The following SDK1 variants were observed in gnomAD, a reference collection of about 807,000 sequenced individuals.
The protein encoded by SDK1 is sidekick cell adhesion molecule 1.
SDK1 carries 157 observed loss-of-function variants against 245.5 expected under a neutral mutation model. That is an observed-to-expected ratio of 0.64 (90% CI 0.56 to 0.73). SDK1 has a LOEUF of 0.73. Among genes scored for constraint, SDK1 ranks in the 30% least tolerant of loss-of-function variants. The probability of loss-of-function intolerance (pLI) is 0.00; values close to 1 mark genes in which losing one functional copy is unlikely to be tolerated. For missense variants in SDK1, 3,583 were observed against 3,002.3 expected (o/e 1.19, Z -4.52); for synonymous variants, 1,647 against 1,278.5 (o/e 1.29, Z -6.15).
intron 5 of SDK1, among the ~76,000 whole-genome samples, chr7:3,901,998 CACT>C (rs1781806435): frequency 6.6e-6 from 1 of 152,178 alleles, no homozygotes; most frequent in South Asian, 2.1e-4. Context: ...GAGTGTGTCT[CACT>C]TTCTAGCACA....
chr7:3,556,722 T>G (rs12700971), intron 1 of SDK1, among the ~76,000 whole-genome samples: 10,317 of 152,104 alleles, frequency 0.068, 476 homozygotes, highest in East Asian at 0.2. Context: ...CTCTGGAGAC[T>G]GAGGCAGGAG....
At position 3,698,826 on chromosome 7, in the gene SDK1, C is replaced by G. The variant is rs533516710; in HGVS notation, c.713+56721C>G. Among the ~76,000 whole-genome samples the G allele has an allele frequency of 1.0e-3, 156 of 152,306 alleles. 1 individual carries two copies. Among genetic ancestry groups the G allele is most frequent in the Non-Finnish European group, 1.6e-3 (110 of 68,028 alleles). On this transcript the variant is annotated intron_variant, in intron 4 of 44. Coordinates refer to ENST00000404826, the MANE Select transcript of SDK1 (RefSeq NM_152744.4). ...ATCATAAGTGCCCTGTGCTCATAAC[C>G]TCATCTAACCCTAATTAGTTCCCAA...
intron 35 of SDK1, among the ~76,000 whole-genome samples, chr7:4,199,223 A>G (rs1371249432): frequency 5.3e-5 from 8 of 152,126 alleles, no homozygotes; most frequent in Non-Finnish European, 8.8e-5. Context: ...TGCACCATGG[A>G]GGAACACCAC....
chr7:3,785,594 C>T (rs1780878155), intron 4 of SDK1, among the ~76,000 whole-genome samples: 1 of 152,054 alleles, frequency 6.6e-6, no homozygotes, highest in Non-Finnish European at 1.5e-5. Context: ...TAATTATTTT[C>T]TTAACAGACT....
intron 1 of SDK1, among the ~76,000 whole-genome samples, chr7:3,339,663 T>G (rs892061298): frequency 1.3e-5 from 2 of 152,152 alleles, no homozygotes. Flanking sequence ...TACGTCAGTC[T>G]CAAAGGAAAA....
chr7:3,789,292 C>T (rs1562444380), intron 4 of SDK1, among the ~76,000 whole-genome samples: 1 of 152,156 alleles, frequency 6.6e-6, no homozygotes, highest in Admixed American at 6.5e-5. Context: ...GGATTCCAGG[C>T]ATGCGCCACC....
chr7:3,342,907 G>A (rs1780386025), intron 1 of SDK1, among the ~76,000 whole-genome samples: 1 of 151,094 alleles, frequency 6.6e-6, no homozygotes, highest in Admixed American at 6.6e-5. Flanking sequence ...TATTTAAGTG[G>A]CAAATAATCA....
rs145228571 is a variant in SDK1, at chr7:3,414,680, T to C, written c.298+112796T>C. On this transcript the variant is annotated intron_variant, in intron 1 of 44. Transcript: ENST00000404826. ...TAAGGTTGTTCAACCATCACCACTA[T>C]CTTGACTGCAGAACATTTTTATCAC... is the stretch of plus-strand genomic sequence containing the variant. 4.5e-3 allele frequency among the ~76,000 whole-genome samples: 689 copies of C among 152,318 alleles called. 6 individuals carry two copies. Among genetic ancestry groups the C allele is most frequent in the African/African-American group, 0.016 (657 of 41,580 alleles).
At chr7:4,096,369 G>A (rs1167552886) in intron 22 of SDK1, among the ~76,000 whole-genome samples, 1 of 152,108 alleles carries the variant, frequency 6.6e-6, no homozygotes. Flanking sequence ...AGGAACTTTA[G>A]GCACCTTAGC....
At chr7:3,709,257 A>C (rs1466338876) in intron 4 of SDK1, among the ~76,000 whole-genome samples, 2 of 152,214 alleles carry the variant, frequency 1.3e-5, no homozygotes, top group Non-Finnish European at 1.5e-5. Context: ...AAGGAGCCTC[A>C]AGATAGGACC....
rs767685275 is a variant in SDK1 at position 3,962,648 on chromosome 7, C to T, written c.1235-9C>T. On this transcript the variant is annotated splice_polypyrimidine_tract_variant and intron_variant, in intron 8 of 44. Coordinates refer to ENST00000404826, the MANE Select transcript of SDK1 (RefSeq NM_152744.4). ...TTTTAAAATCCTATTTATTCCCATT[C>T]CTACGCAGGGGTCCCCCTTCCCACC... 8.8e-6 allele frequency: 14 copies of T among 1,593,834 alleles called. No homozygotes were observed. The highest frequency in any genetic ancestry group is 1.2e-5 in the Non-Finnish European group (14 of 1,168,406).
chr7:3,651,982 G>C (rs1405587483), intron 4 of SDK1, among the ~76,000 whole-genome samples: 5 of 152,192 alleles, frequency 3.3e-5, no homozygotes, highest in Non-Finnish European at 1.5e-5. Flanking sequence ...CGAGAAGATT[G>C]CTGAAGGATC....
chr7:3,531,340 C>G (rs1327953078), intron 1 of SDK1, among the ~76,000 whole-genome samples: 6 of 152,134 alleles, frequency 3.9e-5, no homozygotes, highest in Admixed American at 6.5e-5. Flanking sequence ...CTTATTTCGA[C>G]TTAGGTTATT....
chr7:3,610,019 C>A (rs1374484356), intron 1 of SDK1, among the ~76,000 whole-genome samples: 6 of 152,140 alleles, frequency 3.9e-5, no homozygotes, highest in Admixed American at 6.5e-5. Context: ...GGATTTGAAC[C>A]CAGGGCTCCA....
At chr7:3,698,585 T>C (rs1163235886) in intron 4 of SDK1, among the ~76,000 whole-genome samples, 1 of 152,146 alleles carries the variant, frequency 6.6e-6, no homozygotes, top group African/African-American at 2.4e-5. Context: ...GCTGCTATAG[T>C]AAAACACCAC....
chr7:3,865,913 C>G (rs1262632795), intron 5 of SDK1, among the ~76,000 whole-genome samples: 1 of 152,064 alleles, frequency 6.6e-6, no homozygotes, highest in Non-Finnish European at 1.5e-5. Flanking sequence ...AAGAAGCCCT[C>G]GTAGTCCTAC....
At chr7:3,420,578 T>G (rs1429949034) in intron 1 of SDK1, among the ~76,000 whole-genome samples, 1 of 152,110 alleles carries the variant, frequency 6.6e-6, no homozygotes, top group Non-Finnish European at 1.5e-5. Flanking sequence ...AGGAAAGATT[T>G]TACTTAATTT....
chr7:3,502,946 G>C (rs1782266168), intron 1 of SDK1, among the ~76,000 whole-genome samples: 1 of 152,140 alleles, frequency 6.6e-6, no homozygotes, highest in African/African-American at 2.4e-5. Context: ...TGATATTATA[G>C]GGATTAATGA....
At chr7:3,529,309 C>G (rs988666125) in intron 1 of SDK1, among the ~76,000 whole-genome samples, 2 of 152,136 alleles carry the variant, frequency 1.3e-5, no homozygotes. Context: ...ATTCCATCCT[C>G]TACTAAAAGG....
Sources: allele counts gnomAD v4.1 joint callset (sites outside exome capture counted in the v4.1 genomes callset), GRCh38; gene constraint gnomAD v4.1.1; transcripts MANE v1.5; gene names NCBI Gene and HGNC (gene_info 2026-07-23, HGNC 2026-07-21).